Variants in E2F1 observed in about 807,000 individuals in gnomAD.
The protein encoded by E2F1 is E2F transcription factor 1.
In E2F1, 7 loss-of-function variants were observed where a neutral mutation model predicts 36.9. That is an observed-to-expected ratio of 0.19 (90% confidence interval 0.11 to 0.36). E2F1 has a LOEUF of 0.36. Ranked by LOEUF, E2F1 falls within the 10% of genes least tolerant of loss-of-function variation. The probability of loss-of-function intolerance (pLI) is 1.00; values close to 1 mark genes in which losing one functional copy is unlikely to be tolerated. For missense variants in E2F1, 406 were observed against 573.6 expected (o/e 0.71, Z 2.99); for synonymous variants, 261 against 263.1 (o/e 0.99, Z 0.08).
Position 33,676,995 on chromosome 20 carries a change from G to A in E2F1, c.1067-16C>T, listed in dbSNP as rs1339865939. Reference sequence around the variant, plus strand: ...AACAGCGGTTCTGGGGAGACGGGGAGCATCACAGGCCGGGGATGCCCCAGC... The same window carrying A: ...AACAGCGGTTCTGGGGAGACGGGGAACATCACAGGCCGGGGATGCCCCAGC... On this transcript the variant is annotated splice_polypyrimidine_tract_variant and intron_variant, in intron 6 of 6. Transcript: ENST00000343380. 3 of 1,558,344 alleles carry A rather than the reference G, an allele frequency of 1.9e-6. No individual in the cohort carries two copies. Among genetic ancestry groups the A allele is most frequent in the African/African-American group, 1.3e-5 (1 of 74,106 alleles).
Position 33,677,117 on chromosome 20 carries a change from T to G in E2F1, c.1054A>C (p.Ser352Arg). 6.2e-7 allele frequency: 1 copy of G among 1,603,446 alleles called. No homozygotes were observed. The highest frequency in any genetic ancestry group is 8.5e-7 in the Non-Finnish European group (1 of 1,174,432). Reference protein sequence around the residue: ...LTTDPSQSLLSLEQEPLLSRM... With the variant: ...LTTDPSQSLLRLEQEPLLSRM... ...ACCCATCACCCACCTTGCTCCAGGC[T>G]GAGTAGAGACTGGCTGGGATCTGTG... Residue 352 changes from serine (S) to arginine (R), a missense_variant, in exon 6 of 7, where the codon AGC becomes CGC. By Grantham distance (110) the Ser-to-Arg change is moderately radical. Around this residue, in one of 5 missense-constraint regions of E2F1, gnomAD observed 163 missense variants for 181.5 expected, o/e 0.90. Transcript: ENST00000343380.
At chr20:33,683,367 C>T (rs748371103) in intron 1 of E2F1, among the ~76,000 whole-genome samples, 4 of 144,190 alleles carry the variant, frequency 2.8e-5, no homozygotes, top group Non-Finnish European at 4.5e-5. Flanking sequence ...AGAAGAATCG[C>T]TTGAACCCAG....
In E2F1 at chr20:33,676,633, T is replaced by C. The variant is rs919652683; in HGVS notation, c.*99A>G. On this transcript the variant is annotated 3_prime_UTR_variant, in exon 7 of 7. Coordinates refer to ENST00000343380, the MANE Select transcript of E2F1 (RefSeq NM_005225.3). ...ACAGAGGAGAGGGGTATAAATTAAA[T>C]GTTTCCAAACAGGCTGGGAGGACGG... The C allele has an allele frequency of 1.2e-5, 18 of 1,472,108 alleles. No individual in the cohort carries two copies. Among genetic ancestry groups the C allele is most frequent in the Admixed American group, 4.9e-5 (2 of 40,554 alleles). The allele number at this position is 1,472,108 out of a possible 1,614,324, so 91.2% of individuals were successfully genotyped here.
Position 33,676,914 on chromosome 20 carries a change from C to G in E2F1, c.1132G>C (p.Val378Leu), listed in dbSNP as rs371155232. The change falls in exon 7 of 7, where the codon GTG becomes CTG. Residue 378 changes from valine to leucine, a missense_variant. Val to Leu is a conservative substitution (Grantham distance 32). Transcript: ENST00000343380. ...PVDEDRLSPL[V>L]AADSLLEHVR... is the part of the protein sequence containing the mutation. ...TGCTCCAGGAGCGAGTCGGCCGCCA[C>G]CAGCGGGGACAGGCGGTCCTCGTCC... 1 of 1,568,920 alleles carries G rather than the reference C, an allele frequency of 6.4e-7. No homozygotes were observed.
In E2F1 at chr20:33,679,890, G is replaced by A; in HGVS notation, c.437C>T (p.Ser146Leu). 1 of 1,614,240 alleles carries A rather than the reference G, an allele frequency of 6.2e-7. No homozygotes were observed. The highest frequency in any genetic ancestry group is 1.1e-5 in the South Asian group (1 of 91,084). ...GTTCAGGTCGACGACACCGTCAGCCGAGTGGCTCAGCAGCTCCAGGAAGCG... is the reference window on the plus strand; with the variant it reads ...GTTCAGGTCGACGACACCGTCAGCCAAGTGGCTCAGCAGCTCCAGGAAGCG... Reference protein sequence around the residue: ...TKRFLELLSHSADGVVDLNWA... With the variant: ...TKRFLELLSHLADGVVDLNWA... Residue 146 changes from serine to leucine, a missense_variant, in exon 3 of 7, where the codon TCG becomes TTG. Around this residue, in one of 5 missense-constraint regions of E2F1, gnomAD observed 77 missense variants for 131.7 expected, o/e 0.58. Transcript: ENST00000343380. The surrounding 1 kb of genome is among the most constrained non-coding windows in gnomAD (Gnocchi z 4.6).
chr20:33,677,609 C>T, intron 4 of E2F1, 69 bp from the exon 5 acceptor site: 1 of 1,240,096 alleles, frequency 8.1e-7, no homozygotes, highest in Non-Finnish European at 1.2e-6. Context: ...GCTCACAAGG[C>T]AGGGCTCACA....
intron 1 of E2F1, 89 bp from the exon 2 acceptor site, chr20:33,680,505 C>A: frequency 8.7e-7 from 1 of 1,151,456 alleles, no homozygotes; most frequent in Non-Finnish European, 1.3e-6. Context: ...GCTACCCTCG[C>A]CTCAGTTTCT....
At chr20:33,685,129 G>A (rs917227676) in intron 1 of E2F1, among the ~76,000 whole-genome samples, 1 of 152,216 alleles carries the variant, frequency 6.6e-6, no homozygotes, top group Non-Finnish European at 1.5e-5. Flanking sequence ...ATCTCCCTGA[G>A]ACATTTTCTC....
At chr20:33,677,009 G>A in intron 6 of E2F1, 30 bp from the exon 7 acceptor site, 1 of 1,557,974 alleles carries the variant, frequency 6.4e-7, no homozygotes, top group Non-Finnish European at 8.7e-7. Flanking sequence ...CACAGGCCGG[G>A]GATGCCCCAG....
chr20:33,680,937 C>T (rs1369763107), intron 1 of E2F1, among the ~76,000 whole-genome samples: 1 of 152,252 alleles, frequency 6.6e-6, no homozygotes, highest in Non-Finnish European at 1.5e-5. Flanking sequence ...AGAACCCAAA[C>T]ACTGGCTGAA....
chr20:33,676,870 G>T lies in E2F1; in HGVS notation c.1176C>A (p.Ser392=). The T allele has an allele frequency of 6.3e-7, 1 of 1,582,384 alleles. No homozygotes were observed. Among genetic ancestry groups the T allele is most frequent in the Non-Finnish European group, 8.6e-7 (1 of 1,163,166 alleles). The change falls in exon 7 of 7, where the codon TCC becomes TCA. Residue 392 remains serine (S), a synonymous_variant. Coordinates refer to ENST00000343380, the MANE Select transcript of E2F1 (RefSeq NM_005225.3). ...TGATGAACTCCTCAGGGAGGAGGCC[G>T]GAGAAGTCCTCCCGCACATGCTCCA... The part of the protein sequence containing the change: ...SLLEHVREDF[S]GLLPEEFISL...
rs751247203 is a variant in E2F1 at position 33,676,854 on chromosome 20, C to T, written c.1192G>A (p.Glu398Lys). 36 of 1,590,988 alleles carry T rather than the reference C, an allele frequency of 2.3e-5. No homozygotes were observed. In the South Asian group the frequency reaches 3.5e-4, roughly 16 times the overall value. Reference protein sequence around the residue: ...REDFSGLLPEEFISLSPPHEA... With the variant: ...REDFSGLLPEKFISLSPPHEA... ...TGGGGTGGGGAAAGGCTGATGAACT[C>T]CTCAGGGAGGAGGCCGGAGAAGTCC... is the stretch of plus-strand genomic sequence containing the variant. Residue 398 changes from glutamate (E) to lysine (K), a missense_variant, in exon 7 of 7, where the codon GAG (glutamate) becomes AAG (lysine). Glu to Lys is a moderately conservative substitution (Grantham distance 56). Coordinates refer to ENST00000343380, the MANE Select transcript of E2F1 (RefSeq NM_005225.3).
chr20:33,686,284 G>A lies in E2F1; in HGVS notation c.-20C>T. 2 of 1,001,570 alleles carry A rather than the reference G, an allele frequency of 2.0e-6. No homozygotes were observed. Among genetic ancestry groups the A allele is most frequent in the Non-Finnish European group, 2.4e-6 (2 of 841,722 alleles). 62.0% of individuals were successfully genotyped at this position (1,001,570 alleles called of 1,614,324 possible). ...GGCCATGACGCTCACGGCCCGCGCG[G>A]CCCGGGTGACAGGCGGCGGCGGCGG... On this transcript the variant is annotated 5_prime_UTR_variant, in exon 1 of 7. Coordinates refer to ENST00000343380, the MANE Select transcript of E2F1 (RefSeq NM_005225.3).
At chr20:33,681,463 G>A (rs566986282) in intron 1 of E2F1, among the ~76,000 whole-genome samples, 58 of 152,198 alleles carry the variant, frequency 3.8e-4, no homozygotes, top group African/African-American at 1.2e-3. Flanking sequence ...TCCATTCAAC[G>A]GACTGGCTGT....
chr20:33,681,610 C>T (rs1442645261), intron 1 of E2F1, among the ~76,000 whole-genome samples: 1 of 152,108 alleles, frequency 6.6e-6, no homozygotes, highest in African/African-American at 2.4e-5. Flanking sequence ...TCAGACACTC[C>T]AGGATTGGGA....
At chr20:33,682,176 C>A (rs769015608) in intron 1 of E2F1, among the ~76,000 whole-genome samples, 3 of 152,222 alleles carry the variant, frequency 2.0e-5, no homozygotes, top group Admixed American at 6.5e-5. Context: ...ACTTGAGAAT[C>A]TATAGTGTCT....
chr20:33,680,365 T>C lies in E2F1; in HGVS notation c.313A>G (p.Ser105Gly). 6.2e-7 allele frequency: 1 copy of C among 1,614,228 alleles called. No individual in the cohort carries two copies. Among genetic ancestry groups the C allele is most frequent in the Non-Finnish European group, 8.5e-7 (1 of 1,180,034 alleles). Reference sequence around the variant, plus strand: ...CGGCCTCTGCCCCGAGCTGGCCCACTGCTCTCGGCCAGGTACTGATGGTCA... The same window carrying C: ...CGGCCTCTGCCCCGAGCTGGCCCACCGCTCTCGGCCAGGTACTGATGGTCA... ...ETDHQYLAES[S>G]GPARGRGRHP... The change falls in exon 2 of 7, where the codon AGT becomes GGT. Residue 105 changes from serine (S) to glycine (G), a missense_variant. Physicochemically the swap from Ser to Gly is moderately conservative, Grantham distance 56. This residue lies in a region of E2F1 where 77 missense variants were observed against 131.7 expected (regional missense o/e 0.58). Transcript: ENST00000343380.
rs1268470913 is a variant in E2F1 at position 33,677,165 on chromosome 20, A to G, written c.1006T>C (p.Ser336Pro). 2 of 1,613,302 alleles carry G rather than the reference A, an allele frequency of 1.2e-6. No individual in the cohort carries two copies. The highest frequency in any genetic ancestry group is 2.7e-5 in the African/African-American group (2 of 74,770). The part of the protein sequence containing the change: ...DSATIVSPPP[S>P]SPPSSLTTDP... ...GTGGTGAGGGATGAGGGGGGAGATG[A>G]TGGTGGTGGTGACACTATGGTGGCA... The change falls in exon 6 of 7, where the codon TCA (serine) becomes CCA (proline). Residue 336 changes from serine to proline, a missense_variant. By Grantham distance (74) the Ser-to-Pro change is moderately conservative (BLOSUM62 -1). This residue lies in a region of E2F1 where 163 missense variants were observed against 181.5 expected (regional missense o/e 0.90). Coordinates refer to ENST00000343380, the MANE Select transcript of E2F1 (RefSeq NM_005225.3).
At chr20:33,684,994 A>C (rs2018052466) in intron 1 of E2F1, among the ~76,000 whole-genome samples, 1 of 152,080 alleles carries the variant, frequency 6.6e-6, no homozygotes. Context: ...CCTGTGCCCC[A>C]CAGTTCCCAG....
Sources: gnomAD v4.1 joint callset for allele counts (sites outside exome capture counted in the v4.1 genomes callset) on GRCh38, gnomAD v4.1.1 for gene constraint, gnomAD v4.1.1 regional missense constraint, Gnocchi (gnomAD v3.1) non-coding constraint, MANE v1.5 for transcripts, NCBI Gene and HGNC (gene_info 2026-07-23, HGNC 2026-07-21) for gene names.